The following SAMD12 variants were observed in gnomAD, a reference collection of about 807,000 sequenced individuals.
SAMD12 encodes sterile alpha motif domain containing 12.
Under a neutral mutation model 15.0 loss-of-function variants are expected in SAMD12, and 9 were observed. That is an observed-to-expected ratio of 0.60 (90% CI 0.36 to 1.05). The LOEUF is 1.05. Ranked by LOEUF, SAMD12 falls within the 50% of genes least tolerant of loss-of-function variation. The pLI, the probability that SAMD12 is intolerant of heterozygous loss-of-function variation, is 0.01. For synonymous variants in SAMD12, 86 were observed against 90.1 expected (o/e 0.96, Z 0.25); for missense variants, 230 against 234.2 (o/e 0.98, Z 0.12).
chr8:118,359,586 A>G (rs1818392617), intron 4 of SAMD12, among the ~76,000 whole-genome samples: 3 of 152,186 alleles, frequency 2.0e-5, no homozygotes, highest in Admixed American at 1.3e-4. Flanking sequence ...ATCTAAGAGC[A>G]TCGCGCTCCT....
chr8:118,329,308 C>G (rs1404773963), intron 4 of SAMD12, among the ~76,000 whole-genome samples: 1 of 151,908 alleles, frequency 6.6e-6, no homozygotes, highest in East Asian at 1.9e-4. Context: ...TTAATTTTTA[C>G]TTTTAGGTTT....
intron 2 of SAMD12, among the ~76,000 whole-genome samples, chr8:118,544,205 C>T (rs961983151): frequency 1.3e-5 from 2 of 152,068 alleles, no homozygotes; most frequent in Admixed American, 6.5e-5. Context: ...TGTGGTGGCA[C>T]AAAAATGAGT....
intron 2 of SAMD12, among the ~76,000 whole-genome samples, chr8:118,441,873 A>G (rs1371074420): frequency 2.6e-5 from 4 of 152,168 alleles, no homozygotes; most frequent in Non-Finnish European, 4.4e-5. Flanking sequence ...ACCAACCACC[A>G]TGTTGTGAGG....
chr8:118,475,579 A>G (rs780466047), intron 2 of SAMD12, among the ~76,000 whole-genome samples: 3 of 152,240 alleles, frequency 2.0e-5, no homozygotes, highest in Non-Finnish European at 4.4e-5. Context: ...CATAAGGCTA[A>G]TAAATTGCAG....
intron 4 of SAMD12, among the ~76,000 whole-genome samples, chr8:118,345,074 G>T (rs1366796824): frequency 1.3e-5 from 2 of 151,978 alleles, no homozygotes; most frequent in East Asian, 3.8e-4. Flanking sequence ...AGTCTTGCAG[G>T]TTTCATTCAC....
In SAMD12 at chr8:118,379,377, C is replaced by T. The variant is rs1327152082; in HGVS notation, c.*40G>A. The T allele has an allele frequency of 6.3e-7, 1 of 1,595,558 alleles. No homozygotes were observed. Among genetic ancestry groups the T allele is most frequent in the Non-Finnish European group, 8.5e-7 (1 of 1,172,238 alleles). The stretch of plus-strand genomic sequence containing the variant: ...CATTACTTATTTGTGCATCCTTCTC[C>T]CTAGTGAGCTATGAAAAAAGTTTTC... On this transcript the variant is annotated 3_prime_UTR_variant, in exon 4 of 4. Transcript: ENST00000314727.
chr8:118,375,713 A>C (rs1040411071), downstream of SAMD12: 4 of 152,122 alleles, frequency 2.6e-5, no homozygotes, highest in African/African-American at 9.7e-5. Context: ...CTTTTTAAAA[A>C]TTTTATTCCT....
chr8:118,166,481 C>T, the SAMD12 span, among the ~76,000 whole-genome samples: 1 of 151,998 alleles, frequency 6.6e-6, no homozygotes, highest in Non-Finnish European at 1.5e-5. Flanking sequence ...TTTTATATCG[C>T]TTCATGTTCA....
chr8:118,462,643 G>A (rs1188320693), intron 2 of SAMD12, among the ~76,000 whole-genome samples: 1 of 152,148 alleles, frequency 6.6e-6, no homozygotes, highest in Non-Finnish European at 1.5e-5. Flanking sequence ...AAAAAAGCAA[G>A]GAAGCAAGCA....
At chr8:118,138,119 G>A in the SAMD12 span, among the ~76,000 whole-genome samples, 1 of 152,112 alleles carries the variant, frequency 6.6e-6, no homozygotes. Context: ...TCTGATTTGG[G>A]TCTTAAAGGA....
intron 2 of SAMD12, among the ~76,000 whole-genome samples, chr8:118,553,172 A>C (rs539613317): frequency 1.2e-3 from 187 of 152,244 alleles, no homozygotes; most frequent in Non-Finnish European, 2.0e-3. Context: ...ACAGAATTGG[A>C]AAAAACTACT....
At chr8:118,289,457 T>C (rs1285544594) in intron 4 of SAMD12, among the ~76,000 whole-genome samples, 5 of 152,200 alleles carry the variant, frequency 3.3e-5, no homozygotes, top group East Asian at 3.8e-4. Flanking sequence ...ATTTTCCAAA[T>C]GCAAGTTGAA....
At chr8:118,570,737 G>A (rs770808311) in intron 2 of SAMD12, among the ~76,000 whole-genome samples, 14 of 152,122 alleles carry the variant, frequency 9.2e-5, no homozygotes, top group African/African-American at 2.2e-4. Context: ...TGAGATTCCC[G>A]GGTCATATGG....
chr8:118,316,641 C>T (rs73321991), intron 4 of SAMD12, among the ~76,000 whole-genome samples: 4,154 of 152,046 alleles, frequency 0.027, 172 homozygotes, highest in African/African-American at 0.093. Context: ...CTCCCTTTGA[C>T]TCCTGGAAGG....
At chr8:118,532,972 T>C (rs922845695) in intron 2 of SAMD12, among the ~76,000 whole-genome samples, 16 of 152,202 alleles carry the variant, frequency 1.1e-4, no homozygotes, top group African/African-American at 3.9e-4. Context: ...ATTTCTTGCC[T>C]TCTGCTAGCT....
At chr8:118,448,724 T>C (rs1822989370) in intron 2 of SAMD12, among the ~76,000 whole-genome samples, 1 of 152,218 alleles carries the variant, frequency 6.6e-6, no homozygotes, top group Admixed American at 6.5e-5. Flanking sequence ...TTTTTCTTTT[T>C]CAACTGACAC....
At chr8:118,164,989 G>GTC in the SAMD12 span, among the ~76,000 whole-genome samples, 1 of 151,678 alleles carries the variant, frequency 6.6e-6, no homozygotes, top group Non-Finnish European at 1.5e-5. Context: ...GTGTGTGTGT[G>GTC]TGTGTGTGTG....
intron 4 of SAMD12, among the ~76,000 whole-genome samples, chr8:118,269,864 C>A (rs1232706718): frequency 1.3e-5 from 2 of 152,156 alleles, no homozygotes; most frequent in African/African-American, 4.8e-5. Flanking sequence ...GTGTACAGAT[C>A]TGGATCCAAG....
chr8:118,471,705 T>C (rs972496757), intron 2 of SAMD12, among the ~76,000 whole-genome samples: 2 of 152,210 alleles, frequency 1.3e-5, no homozygotes, highest in Non-Finnish European at 2.9e-5. Flanking sequence ...TCCATGAAAC[T>C]TGCTCTTGGT....
Sources: gnomAD v4.1 joint callset for allele counts (sites outside exome capture counted in the v4.1 genomes callset) on GRCh38, gnomAD v4.1.1 for gene constraint, MANE v1.5 for transcripts, NCBI Gene and HGNC (gene_info 2026-07-23, HGNC 2026-07-21) for gene names.